The following SLC7A11 variants were observed in gnomAD, a reference collection of about 807,000 sequenced individuals.
The protein encoded by SLC7A11 is solute carrier family 7 member 11.
SLC7A11 carries 35 observed loss-of-function variants against 54.5 expected under a neutral mutation model. The ratio of observed to expected loss-of-function variants is 0.64; its 90% CI spans 0.49 to 0.85. The LOEUF (loss-of-function observed/expected upper bound fraction) is 0.85. Among genes scored for constraint, SLC7A11 ranks in the 40% least tolerant of loss-of-function variants. SLC7A11 has a pLI of 0.00. For missense variants in SLC7A11, 583 were observed against 618.1 expected, an observed-to-expected ratio of 0.94 and a Z score of 0.60; for synonymous variants, 230 against 225.2, an observed-to-expected ratio of 1.02 and a Z score of -0.19.
At chr4:138,236,267 G>A in intron 2 of SLC7A11, 58 bp downstream of exon 2, 1 of 1,432,694 alleles carries the variant, frequency 7.0e-7, no homozygotes, top group Non-Finnish European at 9.6e-7. Flanking sequence ...AATAATCAAG[G>A]TGATTCATAA....
intron 1 of SLC7A11, among the ~76,000 whole-genome samples, chr4:138,237,708 TATATATA>T (rs1738247169): frequency 2.0e-4 from 1 of 5,054 alleles, no homozygotes; most frequent in South Asian, 5.2e-3. Context: ...AGAATATATA[TATATATA>T]TATATATATA....
rs1352570502 is a variant in SLC7A11, at chr4:138,165,831, C to T, written c.*6125G>A. On this transcript the variant is annotated 3_prime_UTR_variant, in exon 12 of 12. Coordinates refer to ENST00000280612, the MANE Select transcript of SLC7A11 (RefSeq NM_014331.4). ...GATTTATACCAGTAGTAATAACATTCATAAGGAAAAACTATTAGGTAACAA... is the reference window on the plus strand; with the variant it reads ...GATTTATACCAGTAGTAATAACATTTATAAGGAAAAACTATTAGGTAACAA... 6.6e-6 allele frequency: 1 copy of T among 152,032 alleles called. No individual in the cohort carries two copies. Among genetic ancestry groups the T allele is most frequent in the Non-Finnish European group, 1.5e-5 (1 of 67,974 alleles). 9.4% of individuals were successfully genotyped at this position (152,032 alleles called of 1,614,324 possible). A position where few individuals can be genotyped will look rare whatever the true frequency, so the allele number is the denominator to read the frequency against.
At chr4:138,232,894 C>T (rs1453764478) in intron 2 of SLC7A11, among the ~76,000 whole-genome samples, 2 of 152,026 alleles carry the variant, frequency 1.3e-5, no homozygotes, top group Non-Finnish European at 2.9e-5. Flanking sequence ...TTTTTCTGTA[C>T]AGACAAAAAC....
At chr4:138,183,086 G>A (rs1354523229) in intron 8 of SLC7A11, 116 bp downstream of exon 8, 2 of 701,348 alleles carry the variant, frequency 2.9e-6, no homozygotes, top group East Asian at 2.7e-5. Context: ...AATCTTGCAT[G>A]TCCCTTTAAA....
intron 11 of SLC7A11, among the ~76,000 whole-genome samples, chr4:138,175,434 C>T (rs772230203): frequency 5.0e-4 from 76 of 152,134 alleles, no homozygotes; most frequent in Non-Finnish European, 7.5e-4. Flanking sequence ...AAAACAGCTG[C>T]TGTGAGTCCT....
At position 138,217,714 on chromosome 4, in the gene SLC7A11, T is replaced by C. The variant is rs556364104; in HGVS notation, c.746+1552A>G. 1.5e-3 allele frequency among the ~76,000 whole-genome samples: 222 copies of C among 152,290 alleles called. 8 individuals carry two copies. In the South Asian group the frequency reaches 0.042, roughly 29 times the overall value. ...TTGCATATTGCCCGGCTCCCAACAC[T>C]TGGCTGTAGCTGAAAGCTTTCTCTA... On this transcript the variant is annotated intron_variant, in intron 5 of 11. Transcript: ENST00000280612.
intron 9 of SLC7A11, among the ~76,000 whole-genome samples, chr4:138,181,266 C>T (rs913524716): frequency 6.6e-6 from 1 of 152,094 alleles, no homozygotes; most frequent in African/African-American, 2.4e-5. Flanking sequence ...AACACAGACA[C>T]TCATAGGTGA....
chr4:138,176,902 C>T (rs1022869986), intron 11 of SLC7A11: 4 of 151,974 alleles, frequency 2.6e-5, no homozygotes, highest in African/African-American at 9.7e-5. Context: ...TATTTAGTGT[C>T]TAGAACACAG....
chr4:138,222,247 T>A (rs1398747623), intron 4 of SLC7A11, among the ~76,000 whole-genome samples: 1 of 152,238 alleles, frequency 6.6e-6, no homozygotes, highest in East Asian at 1.9e-4. Context: ...CCTTCAGTGT[T>A]TGTCATTATT....
Position 138,240,077 on chromosome 4 carries a change from C to T in SLC7A11, c.277+1716G>A, listed in dbSNP as rs542314269. Among the ~76,000 whole-genome samples, 3 of 152,174 alleles carry T rather than the reference C, an allele frequency of 2.0e-5. No individual in the cohort carries two copies. The East Asian group carries it at 5.8e-4, about 29-fold the overall frequency. On this transcript the variant is annotated intron_variant, in intron 1 of 11. Transcript: ENST00000280612. Reference sequence around the variant, plus strand: ...ATTAGAGTTTTTCATAATGATATTACTCCAAATTATTTTATAAAGATGGGA... The same window carrying T: ...ATTAGAGTTTTTCATAATGATATTATTCCAAATTATTTTATAAAGATGGGA...
At chr4:138,188,543 C>T (rs916532190) in intron 6 of SLC7A11, among the ~76,000 whole-genome samples, 2 of 152,180 alleles carry the variant, frequency 1.3e-5, no homozygotes, top group Admixed American at 6.5e-5. Context: ...TTCAGAAGAG[C>T]TTGGTCCTAC....
intron 11 of SLC7A11, chr4:138,175,819 C>T (rs1736557575): frequency 6.6e-6 from 1 of 152,116 alleles, no homozygotes; most frequent in Non-Finnish European, 1.5e-5. Context: ...GGTTACCTCT[C>T]ATTTTTCATG....
At chr4:138,188,567 G>C (rs1736933155) in intron 6 of SLC7A11, among the ~76,000 whole-genome samples, 1 of 152,192 alleles carries the variant, frequency 6.6e-6, no homozygotes, top group Non-Finnish European at 1.5e-5. Context: ...GTTAACTCTA[G>C]GTTTCAGGTA....
chr4:138,201,551 T>G (rs1345215362), intron 6 of SLC7A11, among the ~76,000 whole-genome samples: 2 of 152,118 alleles, frequency 1.3e-5, no homozygotes, highest in African/African-American at 2.4e-5. Context: ...ATGCTTCAAC[T>G]CTGAGACTGA....
intron 2 of SLC7A11, 51 bp downstream of exon 2, chr4:138,236,274 A>T (rs764673944): frequency 6.6e-7 from 1 of 1,510,768 alleles, no homozygotes; most frequent in African/African-American, 1.4e-5. Flanking sequence ...AAGGTGATTC[A>T]TAAGAATGAA....
At chr4:138,188,368 T>G (rs1213162434) in intron 6 of SLC7A11, among the ~76,000 whole-genome samples, 2 of 152,152 alleles carry the variant, frequency 1.3e-5, no homozygotes, top group East Asian at 3.9e-4. Context: ...CAGCTGATAA[T>G]TAGATGGAAT....
intron 1 of SLC7A11, among the ~76,000 whole-genome samples, chr4:138,238,102 T>C (rs1438075503): frequency 2.0e-5 from 3 of 152,080 alleles, no homozygotes; most frequent in Non-Finnish European, 4.4e-5. Flanking sequence ...TTGTGTACTT[T>C]AGATCAAATT....
intron 6 of SLC7A11, among the ~76,000 whole-genome samples, chr4:138,187,616 T>C (rs572110107): frequency 1.3e-5 from 2 of 152,184 alleles, no homozygotes; most frequent in Non-Finnish European, 2.9e-5. Context: ...TCATGGTTGT[T>C]TAATATAAAG....
At chr4:138,238,331 T>G (rs1477622956) in intron 1 of SLC7A11, among the ~76,000 whole-genome samples, 1 of 151,878 alleles carries the variant, frequency 6.6e-6, no homozygotes, top group Non-Finnish European at 1.5e-5. Context: ...ACTTATTAAT[T>G]TGAGTAATTA....
Sources: gnomAD v4.1 joint callset for allele counts (sites outside exome capture counted in the v4.1 genomes callset) on GRCh38, gnomAD v4.1.1 for gene constraint, MANE v1.5 for transcripts, NCBI Gene and HGNC (gene_info 2026-07-23, HGNC 2026-07-21) for gene names.